The following CHM variants were observed in gnomAD, a reference collection of about 807,000 sequenced individuals.
The protein encoded by CHM is CHM Rab escort protein.
In CHM, 10 loss-of-function variants were observed where a neutral mutation model predicts 49.0. That is an observed-to-expected ratio of 0.20 (90% CI 0.13 to 0.35). CHM has a LOEUF of 0.35. CHM is among the 10% of genes least tolerant of loss of function. The pLI, the probability that CHM is intolerant of heterozygous loss-of-function variation, is 1.00. For synonymous variants in CHM, 184 were observed against 167.5 expected (o/e 1.10, Z -0.76); for missense variants, 455 against 478.4 (o/e 0.95, Z 0.46).
intron 2 of CHM, among the ~76,000 whole-genome samples, chrX:86,023,695 A>G (rs1933698863): frequency 8.9e-6 from 1 of 111,768 alleles, no homozygotes. Flanking sequence ...GATGACACTA[A>G]AAGTCAAGGT....
intron 4 of CHM, among the ~76,000 whole-genome samples, chrX:85,978,080 TA>T (rs1173955843): frequency 6.3e-5 from 7 of 111,883 alleles, no homozygotes; most frequent in Middle Eastern, 4.2e-3. Flanking sequence ...TTGAATGGCT[TA>T]ACTATGTGAT....
intron 2 of CHM, among the ~76,000 whole-genome samples, chrX:86,016,518 A>C (rs961905415): frequency 6.2e-5 from 7 of 112,690 alleles, no homozygotes; most frequent in African/African-American, 1.9e-4. Context: ...TGTAAAGCTC[A>C]GGCCGTGGCT....
chrX:85,950,453 G>A (rs183148819), intron 8 of CHM, among the ~76,000 whole-genome samples: 17 of 110,482 alleles, frequency 1.5e-4, no homozygotes, highest in African/African-American at 5.6e-4. Context: ...ATGGGTTACA[G>A]GTGAAGAGAA....
chrX:85,871,801 T>G (rs950003327), intron 14 of CHM, among the ~76,000 whole-genome samples: 1 of 111,797 alleles, frequency 8.9e-6, no homozygotes, highest in African/African-American at 3.2e-5. Context: ...CTTAAATTTT[T>G]TTGGTTAAAA....
At chrX:86,015,938 G>C (rs1021801383) in intron 2 of CHM, among the ~76,000 whole-genome samples, 1 of 111,635 alleles carries the variant, frequency 9.0e-6, no homozygotes, top group Admixed American at 9.4e-5. Context: ...TTTGAGGCCA[G>C]CCTGGCCAAC....
chrX:86,001,381 G>A (rs186567515), intron 2 of CHM, among the ~76,000 whole-genome samples: 1 of 111,080 alleles, frequency 9.0e-6, no homozygotes, highest in East Asian at 2.8e-4. Flanking sequence ...TATACTGCCA[G>A]TATTAGGGAG....
chrX:85,894,394 T>C, intron 11 of CHM, 110 bp from the exon 12 acceptor site: 1 of 553,333 alleles, frequency 1.8e-6, no homozygotes, highest in Non-Finnish European at 3.1e-6. Context: ...AAACATCATG[T>C]CTGAAAAAAA....
chrX:85,882,712 T>A (rs1458046626), intron 12 of CHM, among the ~76,000 whole-genome samples: 1 of 111,853 alleles, frequency 8.9e-6, no homozygotes. Context: ...AACAACACAC[T>A]TTCAGTTCTC....
chrX:86,031,368 A>G (rs1037829173), intron 1 of CHM, among the ~76,000 whole-genome samples: 2 of 111,999 alleles, frequency 1.8e-5, no homozygotes, highest in Non-Finnish European at 3.8e-5. Context: ...AAAAATTTCC[A>G]AGAGGTTGAA....
chrX:85,978,992 A>C, intron 3 of CHM, 101 bp from the exon 4 acceptor site: 2 of 911,554 alleles, frequency 2.2e-6, no homozygotes, highest in Non-Finnish European at 3.0e-6. Flanking sequence ...TGCTTATTTC[A>C]TCTTACCAAA....
At chrX:85,869,327 T>A (rs2148116263) in intron 14 of CHM, among the ~76,000 whole-genome samples, 1 of 111,203 alleles carries the variant, frequency 9.0e-6, no homozygotes, top group South Asian at 3.8e-4. Flanking sequence ...ATATAATAAT[T>A]ATTATTACTA....
rs1923491003 is a variant in CHM, at chrX:85,863,439, G to C, written c.*1191C>G. On this transcript the variant is annotated 3_prime_UTR_variant, in exon 15 of 15. Coordinates refer to ENST00000357749, the MANE Select transcript of CHM (RefSeq NM_000390.4). ...CTGTCATACACAATTTGGAGTCCTT[G>C]GTGGTTGCAGGTTTACCTACCAGAA... The C allele has an allele frequency of 9.0e-6, 1 of 111,435 alleles. No homozygotes were observed. The highest frequency in any genetic ancestry group is 3.3e-5 in the African/African-American group (1 of 30,608). 9.2% of individuals were successfully genotyped at this position (111,435 alleles called of 1,213,427 possible).
At chrX:85,924,196 G>C (rs1001496489) in intron 8 of CHM, among the ~76,000 whole-genome samples, 6 of 111,277 alleles carry the variant, frequency 5.4e-5, no homozygotes, top group Non-Finnish European at 1.1e-4. Context: ...AAAGGGGCAA[G>C]AGTGAAAGAG....
intron 9 of CHM, among the ~76,000 whole-genome samples, chrX:85,908,909 A>C (rs1285325545): frequency 8.9e-6 from 1 of 112,030 alleles, no homozygotes; most frequent in African/African-American, 3.2e-5. Context: ...TGAGCATATA[A>C]AATACTTTAA....
intron 8 of CHM, among the ~76,000 whole-genome samples, chrX:85,921,823 T>C (rs943175736): frequency 1.8e-5 from 2 of 112,497 alleles, no homozygotes; most frequent in African/African-American, 3.2e-5. Flanking sequence ...AAACAACATA[T>C]TGAGTTTTCT....
chrX:85,937,118 T>C (rs1569419034), intron 8 of CHM, among the ~76,000 whole-genome samples: 1 of 108,801 alleles, frequency 9.2e-6, no homozygotes, highest in Non-Finnish European at 1.9e-5. Flanking sequence ...TACAAAAAAT[T>C]AGCCGGGTGT....
At position 85,878,338 on chromosome X, in the gene CHM, G is replaced by C. The variant is rs960547224; in HGVS notation, c.1609+627C>G. Among the ~76,000 whole-genome samples the C allele has an allele frequency of 1.3e-4, 14 of 110,685 alleles. No homozygotes were observed. The East Asian group carries it at 1.4e-3, about 11-fold the overall frequency. On this transcript the variant is annotated intron_variant, in intron 13 of 14. Coordinates refer to ENST00000357749, the MANE Select transcript of CHM (RefSeq NM_000390.4). ...CTATTACAAATACAAAAATCAGCTGGGTGTGGTGGCACTCGCCTGTAGTCC... is the reference window on the plus strand; with the variant it reads ...CTATTACAAATACAAAAATCAGCTGCGTGTGGTGGCACTCGCCTGTAGTCC...
At position 85,920,221 on chromosome X, in the gene CHM, G is replaced by A. The variant is rs201480290; in HGVS notation, c.1167-8883C>T. On this transcript the variant is annotated intron_variant, in intron 8 of 14. Coordinates refer to ENST00000357749, the MANE Select transcript of CHM (RefSeq NM_000390.4). The stretch of plus-strand genomic sequence containing the variant: ...CGCCATTCTCCTGCTTCAGCCTCCC[G>A]AGTAGCTGGGACTACAGGCGCCCAC... Among the ~76,000 whole-genome samples, 17 of 109,126 alleles carry A rather than the reference G, an allele frequency of 1.6e-4. No homozygotes were observed. The South Asian group carries it at 2.0e-3, about 13-fold the overall frequency. 94.8% of individuals were successfully genotyped at this position (109,126 alleles called of 115,157 possible).
intron 14 of CHM, among the ~76,000 whole-genome samples, chrX:85,866,528 C>T (rs1157625179): frequency 2.7e-5 from 3 of 112,949 alleles, no homozygotes; most frequent in African/African-American, 9.7e-5. Flanking sequence ...AGAGTCACCA[C>T]TAGGGAACTG....
Sources: gnomAD v4.1 joint callset for allele counts (sites outside exome capture counted in the v4.1 genomes callset) on GRCh38, gnomAD v4.1.1 for gene constraint, MANE v1.5 for transcripts, NCBI Gene and HGNC (gene_info 2026-07-23, HGNC 2026-07-21) for gene names.